Variants in DCAKD observed in about 807,000 individuals in gnomAD.
DCAKD encodes the protein dephospho-CoA kinase domain containing.
Under a neutral mutation model 18.7 loss-of-function variants are expected in DCAKD, and 15 were observed. That is an observed-to-expected ratio of 0.80 (90% confidence interval 0.54 to 1.24). The LOEUF (loss-of-function observed/expected upper bound fraction) is 1.24, where lower values mean the gene tolerates loss of function less well. Among genes scored for constraint, DCAKD ranks in the 50% most tolerant of loss-of-function variants. DCAKD has a pLI of 0.00. For missense variants in DCAKD, 301 were observed against 322.0 expected, an observed-to-expected ratio of 0.93 and a Z score of 0.50; for synonymous variants, 130 against 133.0, an observed-to-expected ratio of 0.98 and a Z score of 0.16.
upstream of DCAKD, among the ~76,000 whole-genome samples, chr17:45,053,169 TAAAAAAA>T (rs760029893): frequency 1.8e-3 from 138 of 75,748 alleles, no homozygotes; most frequent in East Asian, 0.047. Context: ...TGTCTCCAGT[TAAAAAAA>T]AAAAAAAAAA....
chr17:45,041,334 C>T (rs80120688), intron 1 of DCAKD, among the ~76,000 whole-genome samples: 13,679 of 147,038 alleles, frequency 0.093, 708 homozygotes, highest in East Asian at 0.16. Context: ...TTTTTTGAGA[C>T]GGAGTCTGGC....
At chr17:45,030,248 G>T (rs912101362) in intron 3 of DCAKD, 69 bp from the exon 4 acceptor site, 1 of 1,448,004 alleles carries the variant, frequency 6.9e-7, no homozygotes, top group Non-Finnish European at 9.7e-7. Flanking sequence ...TGATATGCTG[G>T]GCCCCACCGT....
upstream of DCAKD, among the ~76,000 whole-genome samples, chr17:45,053,509 C>T (rs532273917): frequency 1.3e-5 from 2 of 152,168 alleles, no homozygotes; most frequent in South Asian, 4.2e-4. Context: ...GCAACCTCTA[C>T]CTCCCGGGTT....
At chr17:45,026,573 C>G in intron 4 of DCAKD, 2 of 976,176 alleles carry the variant, frequency 2.0e-6, no homozygotes, top group Non-Finnish European at 2.4e-6. Context: ...GTGTTGCCTA[C>G]ACTGGTCTCA....
chr17:45,058,336 A>T (rs1157907760), intron 1 of DCAKD, among the ~76,000 whole-genome samples: 1 of 152,120 alleles, frequency 6.6e-6, no homozygotes, highest in Non-Finnish European at 1.5e-5. Flanking sequence ...AATAAAAATA[A>T]CACACAAAAT....
At position 45,031,241 on chromosome 17, in the gene DCAKD, G is replaced by A. The variant is rs371302142; in HGVS notation, c.317-1062C>T. On this transcript the variant is annotated intron_variant, in intron 3 of 4. Coordinates refer to ENST00000651974, the MANE Select transcript of DCAKD (RefSeq NM_001288655.2). The stretch of plus-strand genomic sequence containing the variant: ...GATGCAGGGACAATGGCGGTGGGGG[G>A]GTGGCAATCTCAGCTGCTTGGTTTC... 488 of 985,244 alleles carry A rather than the reference G, an allele frequency of 5.0e-4. 1 individual carries two copies. The African/African-American group carries it at 7.5e-3, about 15-fold the overall frequency. The allele number at this position is 985,244 out of a possible 1,614,324, so 61.0% of individuals were successfully genotyped here.
intron 2 of DCAKD, 70 bp from the exon 3 acceptor site, chr17:45,034,460 G>C (rs1479562318): frequency 6.4e-7 from 1 of 1,552,458 alleles, no homozygotes; most frequent in Non-Finnish European, 8.8e-7. Context: ...TCAGTGACCA[G>C]GGGCAAAATG....
chr17:45,059,924 T>C (rs1291946844), intron 1 of DCAKD, among the ~76,000 whole-genome samples: 1 of 151,244 alleles, frequency 6.6e-6, no homozygotes, highest in African/African-American at 2.4e-5. Flanking sequence ...ACCAACATGG[T>C]GAAACCCCGT....
chr17:45,030,348 C>A (rs539773114), intron 3 of DCAKD, among the ~76,000 whole-genome samples, 169 bp from the exon 4 acceptor site: 1 of 152,292 alleles, frequency 6.6e-6, no homozygotes, highest in African/African-American at 2.4e-5. Flanking sequence ...CAGAAGGCTG[C>A]AGAAAATTAT....
At chr17:45,053,079 C>A (rs1466043310), upstream of DCAKD, among the ~76,000 whole-genome samples, 4 of 138,552 alleles carry the variant, frequency 2.9e-5, no homozygotes, top group African/African-American at 1.1e-4. Context: ...AGGAGGATTG[C>A]TTGAACCCGG....
chr17:45,060,657 G>GC (rs2143431815), intron 1 of DCAKD, among the ~76,000 whole-genome samples: 1 of 152,382 alleles, frequency 6.6e-6, no homozygotes, highest in African/African-American at 2.4e-5. Context: ...GGCGAGCCCT[G>GC]CCTCCCTAGC....
intron 1 of DCAKD, among the ~76,000 whole-genome samples, chr17:45,056,966 A>C (rs1033943029): frequency 2.0e-5 from 3 of 149,614 alleles, no homozygotes; most frequent in African/African-American, 7.5e-5. Flanking sequence ...ACAGGGTTTC[A>C]CCATGTTAGC....
chr17:45,046,270 G>A (rs1019463055), intron 1 of DCAKD, among the ~76,000 whole-genome samples: 7 of 152,140 alleles, frequency 4.6e-5, no homozygotes, highest in African/African-American at 1.2e-4. Context: ...CCCAGCAGGC[G>A]GAACTAGAGT....
At chr17:45,025,815 G>A (rs916385274) in intron 4 of DCAKD, among the ~76,000 whole-genome samples, 4 of 138,650 alleles carry the variant, frequency 2.9e-5, no homozygotes, top group Non-Finnish European at 4.5e-5. Flanking sequence ...GCAGTGGCGT[G>A]ATCTTGGCTC....
chr17:45,031,111 G>A, intron 3 of DCAKD: 1 of 985,428 alleles, frequency 1.0e-6, no homozygotes, highest in Non-Finnish European at 1.2e-6. Context: ...GGCTGGGGCA[G>A]GAGACTGCAC....
rs1033725197 is a variant in DCAKD, at chr17:45,024,623, G to A, written c.506C>T (p.Ala169Val). 23 of 1,613,872 alleles carry A rather than the reference G, an allele frequency of 1.4e-5. No individual in the cohort carries two copies. The highest frequency in any genetic ancestry group is 1.6e-4 in the Middle Eastern group (1 of 6,084). Residue 169 changes from alanine to valine, a missense_variant, in exon 5 of 5, where the codon GCC becomes GTC. Coordinates refer to ENST00000651974, the MANE Select transcript of DCAKD (RefSeq NM_001288655.2). ...GTCTAGGACATGGCGGGCCATGCGG[G>A]CCTTGTCTGTCAGGGGCAGCTGGGC... is the stretch of plus-strand genomic sequence containing the variant. The part of the protein sequence containing the change: ...INAQLPLTDK[A>V]RMARHVLDNS...
chr17:45,043,935 G>A (rs2053501222), intron 1 of DCAKD, among the ~76,000 whole-genome samples: 1 of 152,064 alleles, frequency 6.6e-6, no homozygotes, highest in Non-Finnish European at 1.5e-5. Context: ...CCCACAAGGA[G>A]CCCCCGGTGC....
At chr17:45,035,518 A>G (rs1322702577) in intron 1 of DCAKD, among the ~76,000 whole-genome samples, 1 of 151,582 alleles carries the variant, frequency 6.6e-6, no homozygotes, top group African/African-American at 2.4e-5. Flanking sequence ...CGAACACTAT[A>G]AATTCAGCAA....
intron 1 of DCAKD, among the ~76,000 whole-genome samples, chr17:45,038,597 A>G (rs2053357854): frequency 1.3e-5 from 2 of 152,196 alleles, no homozygotes; most frequent in African/African-American, 4.8e-5. Flanking sequence ...AAGAGAAATA[A>G]TTTCTTGATT....
Sources: gnomAD v4.1 joint callset for allele counts (sites outside exome capture counted in the v4.1 genomes callset) on GRCh38, gnomAD v4.1.1 for gene constraint, MANE v1.5 for transcripts, NCBI Gene and HGNC (gene_info 2026-07-23, HGNC 2026-07-21) for gene names.